GALNT17: variants seen among roughly 807,000 people sequenced by gnomAD.
GALNT17 encodes UDP-GalNAc:polypeptide N-acetylgalactosaminyltransferase-like 3.
GALNT17 carries 29 observed loss-of-function variants against 63.7 expected under a neutral mutation model. That is an observed-to-expected ratio of 0.46 (90% confidence interval 0.34 to 0.62). The LOEUF (loss-of-function observed/expected upper bound fraction) is 0.62, where lower values mean the gene tolerates loss of function less well. Ranked by LOEUF, GALNT17 falls within the 20% of genes least tolerant of loss-of-function variation. The pLI, the probability that GALNT17 is intolerant of heterozygous loss-of-function variation, is 0.01. For missense variants in GALNT17, 603 were observed against 799.6 expected (o/e 0.75, Z 2.97); for synonymous variants, 305 against 318.3 (o/e 0.96, Z 0.45).
intron 5 of GALNT17, among the ~76,000 whole-genome samples, chr7:71,565,275 A>AG (rs1424529990): frequency 6.6e-5 from 10 of 151,482 alleles, no homozygotes; most frequent in African/African-American, 2.4e-4. Context: ...TCAAGAAAAA[A>AG]AAAATCAGGC....
intron 6 of GALNT17, among the ~76,000 whole-genome samples, chr7:71,637,231 G>C (rs935012082): frequency 6.6e-6 from 1 of 152,010 alleles, no homozygotes; most frequent in Non-Finnish European, 1.5e-5. Context: ...CTGTTGCCAG[G>C]CTGGAGTGCA....
chr7:71,283,736 TTTTG>T (rs1790818673), intron 1 of GALNT17, among the ~76,000 whole-genome samples: 1 of 152,102 alleles, frequency 6.6e-6, no homozygotes. Context: ...GATCTGATGT[TTTTG>T]TTTGTTTTGA....
intron 2 of GALNT17, among the ~76,000 whole-genome samples, chr7:71,387,953 C>T (rs1181205041): frequency 6.6e-6 from 1 of 152,044 alleles, no homozygotes; most frequent in Non-Finnish European, 1.5e-5. Flanking sequence ...CTAAGTGCTC[C>T]ATATTATATT....
chr7:71,598,759 T>C (rs1364236381), intron 6 of GALNT17, among the ~76,000 whole-genome samples: 1 of 151,618 alleles, frequency 6.6e-6, no homozygotes, highest in Non-Finnish European at 1.5e-5. Context: ...TAATCAGAGG[T>C]CTCTGAGTTG....
At chr7:71,322,397 T>A (rs534155123) in intron 1 of GALNT17, among the ~76,000 whole-genome samples, 100 of 152,316 alleles carry the variant, frequency 6.6e-4, no homozygotes, top group African/African-American at 2.3e-3. Context: ...TGAAAATTTA[T>A]GGAACGTTTG....
At chr7:71,250,311 A>T (rs1473302337) in intron 1 of GALNT17, among the ~76,000 whole-genome samples, 1 of 152,188 alleles carries the variant, frequency 6.6e-6, no homozygotes, top group Non-Finnish European at 1.5e-5. Context: ...AATAATGTAT[A>T]ATTTATTATT....
chr7:71,388,475 C>A, intron 3 of GALNT17, 74 bp downstream of exon 3: 1 of 1,536,760 alleles, frequency 6.5e-7, no homozygotes, highest in African/African-American at 1.4e-5. Flanking sequence ...CCAACGCGAG[C>A]CCGAGCATCT....
rs534585784 is a variant in GALNT17, at chr7:71,399,814, G to A, written c.589+11413G>A. 5.9e-5 allele frequency among the ~76,000 whole-genome samples: 9 copies of A among 151,744 alleles called. No individual in the cohort carries two copies. The East Asian group carries it at 1.7e-3, about 29-fold the overall frequency. On this transcript the variant is annotated intron_variant, in intron 3 of 10. Coordinates refer to ENST00000333538, the MANE Select transcript of GALNT17 (RefSeq NM_022479.3). ...TTTATTAATCTTTGCCATCTTTGTTGTTCTGGTGCAGGGGAAATGGCATTC... is the reference window on the plus strand; with the variant it reads ...TTTATTAATCTTTGCCATCTTTGTTATTCTGGTGCAGGGGAAATGGCATTC...
intron 1 of GALNT17, among the ~76,000 whole-genome samples, chr7:71,306,611 C>A (rs1583847434): frequency 6.6e-6 from 1 of 152,142 alleles, no homozygotes; most frequent in East Asian, 1.9e-4. Flanking sequence ...ATGTTTACAT[C>A]TTAGGCTGGT....
chr7:71,142,483 G>A (rs1486595916), intron 1 of GALNT17, among the ~76,000 whole-genome samples: 1 of 152,202 alleles, frequency 6.6e-6, no homozygotes, highest in Non-Finnish European at 1.5e-5. Context: ...CCCAATTACA[G>A]AACACAATGG....
chr7:71,445,743 T>A (rs1296230625), intron 5 of GALNT17, among the ~76,000 whole-genome samples: 1 of 152,184 alleles, frequency 6.6e-6, no homozygotes, highest in Non-Finnish European at 1.5e-5. Context: ...CTCTTACCTC[T>A]CCCAGCTCCC....
At chr7:71,202,992 GCACA>G (rs144239987) in intron 1 of GALNT17, among the ~76,000 whole-genome samples, 5 of 151,132 alleles carry the variant, frequency 3.3e-5, no homozygotes, top group Non-Finnish European at 5.9e-5. Flanking sequence ...ATACACACGT[GCACA>G]CACACACACA....
chr7:71,319,432 A>T (rs10950257), intron 1 of GALNT17, among the ~76,000 whole-genome samples: 11 of 151,760 alleles, frequency 7.2e-5, no homozygotes, highest in Non-Finnish European at 7.4e-5. Context: ...TGATTCTATC[A>T]GTTGGTGTGT....
rs1254504351 is a variant in GALNT17, at chr7:71,237,528, A to AG, written c.239-98022_239-98021insG. Among the ~76,000 whole-genome samples, 131 of 151,176 alleles carry AG rather than the reference A, an allele frequency of 8.7e-4. 1 individual carries two copies. The highest frequency in any genetic ancestry group is 3.0e-3 in the African/African-American group (124 of 41,008). Reference sequence around the variant, plus strand: ...CCATCTCTGAAAAAAAAAAAAAAAAAAAAAGAAAAAACAGGGCATAATTGT... The same window carrying AG: ...CCATCTCTGAAAAAAAAAAAAAAAAAGAAAAGAAAAAACAGGGCATAATTGT... On this transcript the variant is annotated intron_variant, in intron 1 of 10. Transcript: ENST00000333538.
chr7:71,546,075 CAT>C (rs1788978527), intron 5 of GALNT17, among the ~76,000 whole-genome samples: 2 of 151,734 alleles, frequency 1.3e-5, no homozygotes, highest in Non-Finnish European at 2.9e-5. Flanking sequence ...GCGTGGGTAA[CAT>C]AGCAAGACCC....
At chr7:71,671,358 G>T (rs1189379433) in intron 8 of GALNT17, among the ~76,000 whole-genome samples, 1 of 152,168 alleles carries the variant, frequency 6.6e-6, no homozygotes, top group Non-Finnish European at 1.5e-5. Flanking sequence ...CCAGGTTAAA[G>T]CTAAGAAGAA....
intron 5 of GALNT17, among the ~76,000 whole-genome samples, chr7:71,480,222 A>G (rs1300692687): frequency 2.5e-5 from 3 of 121,106 alleles, no homozygotes; most frequent in African/African-American, 6.4e-5. Flanking sequence ...CTGGAGTGCA[A>G]TGGTGCAATC....
intron 5 of GALNT17, among the ~76,000 whole-genome samples, chr7:71,544,124 C>CTTTTTTTTTTTTTTTTTTT (rs60144462): frequency 7.6e-6 from 1 of 132,424 alleles, no homozygotes; most frequent in Non-Finnish European, 1.6e-5. Context: ...TTTCTTTTTT[C>CTTTTTTTTTTTTTTTTTTT]TTTTTTTTTT....
At chr7:71,138,262 T>C (rs1057122807) in intron 1 of GALNT17, among the ~76,000 whole-genome samples, 4 of 151,920 alleles carry the variant, frequency 2.6e-5, no homozygotes, top group African/African-American at 9.7e-5. Flanking sequence ...GTTTTGAGCC[T>C]AGGAGTTCGA....
Sources: allele counts gnomAD v4.1 joint callset (sites outside exome capture counted in the v4.1 genomes callset), GRCh38; gene constraint gnomAD v4.1.1; transcripts MANE v1.5; gene names NCBI Gene and HGNC (gene_info 2026-07-23, HGNC 2026-07-21).